Variants in PDGFC observed in about 807,000 individuals in gnomAD.
PDGFC encodes the protein platelet-derived growth factor C.
In PDGFC, 12 loss-of-function variants were observed where a neutral mutation model predicts 35.5. That is an observed-to-expected ratio of 0.34 (90% CI 0.22 to 0.55). The LOEUF is 0.55. Among genes scored for constraint, PDGFC ranks in the 20% least tolerant of loss-of-function variants. The pLI, the probability that PDGFC is intolerant of heterozygous loss-of-function variation, is 0.91. For missense variants in PDGFC, 322 were observed against 412.4 expected, an observed-to-expected ratio of 0.78 and a Z score of 1.90; for synonymous variants, 159 against 148.8, an observed-to-expected ratio of 1.07 and a Z score of -0.50.
intron 1 of PDGFC, among the ~76,000 whole-genome samples, chr4:156,911,475 T>A (rs1423630723): frequency 2.0e-5 from 3 of 152,118 alleles, no homozygotes; most frequent in Non-Finnish European, 4.4e-5. Flanking sequence ...ATGAGTGTTG[T>A]AAATAATGAT....
intron 3 of PDGFC, among the ~76,000 whole-genome samples, chr4:156,799,664 T>C (rs1466566110): frequency 6.6e-5 from 10 of 152,170 alleles, no homozygotes; most frequent in South Asian, 2.1e-4. Context: ...TCTGAAAAAT[T>C]TGGCACTGAC....
intron 2 of PDGFC, among the ~76,000 whole-genome samples, chr4:156,839,034 G>A (rs2111047570): frequency 6.6e-6 from 1 of 152,330 alleles, no homozygotes; most frequent in Middle Eastern, 3.4e-3. Context: ...TGAGGATGTG[G>A]GGGTTGAAAG....
chr4:156,790,683 G>T (rs1054391536), intron 3 of PDGFC, among the ~76,000 whole-genome samples: 2 of 152,142 alleles, frequency 1.3e-5, no homozygotes, highest in African/African-American at 2.4e-5. Context: ...TTAACCTCAA[G>T]ATGTGAACTC....
At chr4:156,922,374 A>G (rs1731306602) in intron 1 of PDGFC, among the ~76,000 whole-genome samples, 1 of 152,210 alleles carries the variant, frequency 6.6e-6, no homozygotes, top group Non-Finnish European at 1.5e-5. Context: ...GTACTATAGC[A>G]GGCATTGAGA....
At chr4:156,907,101 CTTAGA>C (rs754881943) in intron 1 of PDGFC, among the ~76,000 whole-genome samples, 4 of 152,082 alleles carry the variant, frequency 2.6e-5, no homozygotes, top group Non-Finnish European at 5.9e-5. Flanking sequence ...AGCCCAGTAT[CTTAGA>C]TTAGGAGAAT....
chr4:156,868,352 G>A (rs1729896020), intron 1 of PDGFC, among the ~76,000 whole-genome samples: 1 of 152,256 alleles, frequency 6.6e-6, no homozygotes, highest in African/African-American at 2.4e-5. Flanking sequence ...TCACTTTAAA[G>A]TCAAAGAAGA....
intron 3 of PDGFC, among the ~76,000 whole-genome samples, chr4:156,795,921 A>C (rs1447636070): frequency 6.6e-6 from 1 of 152,192 alleles, no homozygotes; most frequent in Non-Finnish European, 1.5e-5. Flanking sequence ...TAGTATCCTA[A>C]AACTTCATTA....
chr4:156,875,912 C>T (rs995100673), intron 1 of PDGFC, among the ~76,000 whole-genome samples: 7 of 152,034 alleles, frequency 4.6e-5, no homozygotes, highest in African/African-American at 1.7e-4. Context: ...GCACAGAAAA[C>T]TGAAGAAATT....
chr4:156,780,209 TG>T (rs1730941465), intron 3 of PDGFC, among the ~76,000 whole-genome samples: 2 of 151,174 alleles, frequency 1.3e-5, no homozygotes. Flanking sequence ...CAGTGGCAAG[TG>T]TTTGACAACA....
intron 2 of PDGFC, among the ~76,000 whole-genome samples, chr4:156,817,008 G>A (rs1318043804): frequency 6.6e-6 from 1 of 152,142 alleles, no homozygotes; most frequent in African/African-American, 2.4e-5. Flanking sequence ...TTGGAAATGT[G>A]TAAGTAAAAC....
chr4:156,899,577 G>A (rs969399117), intron 1 of PDGFC, among the ~76,000 whole-genome samples: 2 of 152,330 alleles, frequency 1.3e-5, no homozygotes, highest in East Asian at 3.9e-4. Context: ...CACTTTGGAA[G>A]GCCAAGGCAG....
intron 3 of PDGFC, among the ~76,000 whole-genome samples, chr4:156,786,931 A>G (rs190608901): frequency 4.6e-5 from 7 of 152,326 alleles, no homozygotes; most frequent in Non-Finnish European, 1.0e-4. Context: ...CAGGAAGGCA[A>G]TGGTAGCAAC....
chr4:156,935,076 A>G (rs1269393705), intron 1 of PDGFC, among the ~76,000 whole-genome samples: 1 of 152,022 alleles, frequency 6.6e-6, no homozygotes, highest in Non-Finnish European at 1.5e-5. Context: ...GCTCACTGCA[A>G]CCTCTGCTTC....
chr4:156,955,309 AATC>A (rs963525725), intron 1 of PDGFC, among the ~76,000 whole-genome samples: 2 of 151,984 alleles, frequency 1.3e-5, no homozygotes, highest in African/African-American at 4.8e-5. Flanking sequence ...TGTCCTTTAC[AATC>A]ATCCTGAAGT....
chr4:156,955,863 G>T (rs2110955064), intron 1 of PDGFC, among the ~76,000 whole-genome samples: 1 of 152,000 alleles, frequency 6.6e-6, no homozygotes, highest in East Asian at 1.9e-4. Flanking sequence ...GTTCATTTTT[G>T]AATAGGCTTT....
chr4:156,789,144 T>C (rs1050765364), intron 3 of PDGFC, among the ~76,000 whole-genome samples: 1 of 152,210 alleles, frequency 6.6e-6, no homozygotes, highest in African/African-American at 2.4e-5. Context: ...AAACATTTAT[T>C]TTCTGTGCTA....
At chr4:156,917,310 C>T (rs1448650854) in intron 1 of PDGFC, among the ~76,000 whole-genome samples, 1 of 152,214 alleles carries the variant, frequency 6.6e-6, no homozygotes, top group Admixed American at 6.5e-5. Flanking sequence ...GCAAGTCTAT[C>T]CCAAACACAG....
intron 3 of PDGFC, among the ~76,000 whole-genome samples, chr4:156,802,510 A>G (rs1357229803): frequency 1.3e-5 from 2 of 151,950 alleles, no homozygotes; most frequent in African/African-American, 2.4e-5. Flanking sequence ...AAACCCAAGC[A>G]GAGTTGAGGG....
intron 4 of PDGFC, among the ~76,000 whole-genome samples, chr4:156,771,891 T>C (rs768195161): frequency 6.6e-6 from 1 of 152,208 alleles, no homozygotes; most frequent in Non-Finnish European, 1.5e-5. Context: ...GTTATTTCTA[T>C]ACGTTTTCAT....
Sources: gnomAD v4.1 joint callset for allele counts (sites outside exome capture counted in the v4.1 genomes callset) on GRCh38, gnomAD v4.1.1 for gene constraint, MANE v1.5 for transcripts, NCBI Gene and HGNC (gene_info 2026-07-23, HGNC 2026-07-21) for gene names.